The following PRKCE variants were observed in gnomAD, a reference collection of about 807,000 sequenced individuals.
The protein encoded by PRKCE is protein kinase C epsilon.
In PRKCE, 16 loss-of-function variants were observed where a neutral mutation model predicts 85.4. The observed-to-expected ratio is 0.19, with a 90% CI of 0.13 to 0.28. The LOEUF (loss-of-function observed/expected upper bound fraction) is 0.28, where lower values mean the gene tolerates loss of function less well. Ranked by LOEUF, PRKCE falls within the 10% of genes least tolerant of loss-of-function variation. The pLI, the probability that PRKCE is intolerant of heterozygous loss-of-function variation, is 1.00. For synonymous variants in PRKCE, 388 were observed against 371.5 expected, an observed-to-expected ratio of 1.04 and a Z score of -0.51; for missense variants, 573 against 975.2, an observed-to-expected ratio of 0.59 and a Z score of 5.49.
In PRKCE at chr2:46,114,810, A is replaced by G. The variant is rs533936906; in HGVS notation, c.1592+28448A>G. ...TATGATTTAGTGAGAATTCTAATAT[A>G]CTGATGTGAGTTTAAAATAGGTGTG... is the stretch of plus-strand genomic sequence containing the variant. On this transcript the variant is annotated intron_variant, in intron 11 of 14. Coordinates refer to ENST00000306156, the MANE Select transcript of PRKCE (RefSeq NM_005400.3). 5.9e-5 allele frequency among the ~76,000 whole-genome samples: 9 copies of G among 152,250 alleles called. No homozygotes were observed. The South Asian group carries it at 8.3e-4, about 14-fold the overall frequency.
chr2:45,790,345 C>T (rs1418612643), intron 1 of PRKCE, among the ~76,000 whole-genome samples: 6 of 152,150 alleles, frequency 3.9e-5, no homozygotes, highest in South Asian at 2.1e-4. Flanking sequence ...GGTGGCAGCA[C>T]GTGGGAAAAC....
chr2:45,677,553 T>G (rs1190147663), intron 1 of PRKCE, among the ~76,000 whole-genome samples: 1 of 152,134 alleles, frequency 6.6e-6, no homozygotes, highest in African/African-American at 2.4e-5. Flanking sequence ...AGACGGGGTT[T>G]CACCTTGTTA....
At chr2:45,839,829 C>G (rs971894105) in intron 1 of PRKCE, among the ~76,000 whole-genome samples, 3 of 152,224 alleles carry the variant, frequency 2.0e-5, no homozygotes, top group Non-Finnish European at 4.4e-5. Context: ...GGCTGGCGAT[C>G]TGCGGCCATC....
At chr2:45,906,245 G>A (rs570529429) in intron 2 of PRKCE, among the ~76,000 whole-genome samples, 1 of 152,362 alleles carries the variant, frequency 6.6e-6, no homozygotes, top group South Asian at 2.1e-4. Flanking sequence ...GTGTGCTGGT[G>A]CTGAGTCCAG....
At position 46,068,754 on chromosome 2, in the gene PRKCE, A is replaced by G. The variant is rs1415289019; in HGVS notation, c.1438-17454A>G. Reference sequence around the variant, plus strand: ...CATGTAGACGGGAGAGACTTGGAGCAGTTGCCCAAATGCCTCAGAAGTAAC... The same window carrying G: ...CATGTAGACGGGAGAGACTTGGAGCGGTTGCCCAAATGCCTCAGAAGTAAC... On this transcript the variant is annotated intron_variant, in intron 10 of 14. Coordinates refer to ENST00000306156, the MANE Select transcript of PRKCE (RefSeq NM_005400.3). The surrounding 1 kb of genome is among the most constrained non-coding windows in gnomAD (Gnocchi z 4.3). Among the ~76,000 whole-genome samples the G allele has an allele frequency of 6.6e-6, 1 of 152,268 alleles. No homozygotes were observed. Among genetic ancestry groups the G allele is most frequent in the Admixed American group, 6.5e-5 (1 of 15,288 alleles).
At chr2:46,131,286 C>T (rs554306165) in intron 11 of PRKCE, among the ~76,000 whole-genome samples, 2 of 152,292 alleles carry the variant, frequency 1.3e-5, no homozygotes, top group Admixed American at 1.3e-4. Flanking sequence ...CTCTTCCTGC[C>T]AGGATTTGAG....
chr2:46,178,425 A>T (rs1377407599), intron 14 of PRKCE, among the ~76,000 whole-genome samples: 2 of 152,248 alleles, frequency 1.3e-5, no homozygotes, highest in Non-Finnish European at 2.9e-5. Context: ...GGGATGACAG[A>T]TGATTATGTT....
chr2:45,846,582 G>A (rs1393495620), intron 2 of PRKCE, among the ~76,000 whole-genome samples: 1 of 152,170 alleles, frequency 6.6e-6, no homozygotes, highest in Non-Finnish European at 1.5e-5. Context: ...AAGTTCTGGA[G>A]GGATTGCATA....
chr2:46,059,353 G>T (rs531290394), intron 10 of PRKCE, among the ~76,000 whole-genome samples: 1 of 152,288 alleles, frequency 6.6e-6, no homozygotes, highest in African/African-American at 2.4e-5. Context: ...TTTGCACTTT[G>T]TTTTCCTTTA....
intron 11 of PRKCE, among the ~76,000 whole-genome samples, chr2:46,123,214 C>CT (rs70937991): frequency 0.089 from 2,424 of 27,346 alleles, 773 homozygotes; most frequent in African/African-American, 0.16. Context: ...AAACACTTGC[C>CT]TTTTTTTTTT....
intron 3 of PRKCE, 139 bp from the exon 4 acceptor site, chr2:45,978,835 TGA>T: frequency 1.5e-6 from 1 of 685,258 alleles, no homozygotes; most frequent in Non-Finnish European, 2.5e-6. Flanking sequence ...ACCTTGCAAG[TGA>T]GAGAGAAATT....
chr2:45,819,289 T>TG (rs1305490756), intron 1 of PRKCE, among the ~76,000 whole-genome samples: 2 of 152,216 alleles, frequency 1.3e-5, no homozygotes, highest in African/African-American at 4.8e-5. Context: ...GTCACACAGC[T>TG]GCTAAGTGAT....
rs974863794 is a variant in PRKCE, at chr2:45,934,125, C to G, written c.413-42304C>G. Among the ~76,000 whole-genome samples the G allele has an allele frequency of 2.0e-5, 3 of 152,294 alleles. 1 individual carries two copies. The South Asian group carries it at 6.2e-4, about 32-fold the overall frequency. The stretch of plus-strand genomic sequence containing the variant: ...TCTCCCATTCTCTCTGACACACGCT[C>G]AGGGCACACTTGAAAGCTCACAGCC... On this transcript the variant is annotated intron_variant, in intron 2 of 14. Transcript: ENST00000306156.
chr2:45,847,618 C>T (rs1032994531), intron 2 of PRKCE, among the ~76,000 whole-genome samples: 2 of 152,050 alleles, frequency 1.3e-5, no homozygotes, highest in African/African-American at 4.8e-5. Flanking sequence ...GTGCTCCAGG[C>T]CAAAAGGTTG....
At chr2:45,849,674 C>T (rs1015329622) in intron 2 of PRKCE, among the ~76,000 whole-genome samples, 2 of 152,118 alleles carry the variant, frequency 1.3e-5, no homozygotes, top group Non-Finnish European at 2.9e-5. Flanking sequence ...CCTAGACATG[C>T]ATGGACATGT....
intron 12 of PRKCE, among the ~76,000 whole-genome samples, chr2:46,148,718 A>C (rs1396549881): frequency 6.6e-6 from 1 of 152,240 alleles, no homozygotes; most frequent in Non-Finnish European, 1.5e-5. Context: ...CTGGTACCTT[A>C]TAGTTGCACT....
chr2:46,035,993 AG>A (rs1003299271), intron 10 of PRKCE, among the ~76,000 whole-genome samples: 2 of 152,238 alleles, frequency 1.3e-5, no homozygotes, highest in African/African-American at 4.8e-5. Flanking sequence ...TGGAAGTGCT[AG>A]GGAAAAGGTG....
chr2:46,135,720 TA>T (rs1183068497), intron 11 of PRKCE, among the ~76,000 whole-genome samples: 3 of 143,606 alleles, frequency 2.1e-5, no homozygotes, highest in Non-Finnish European at 4.5e-5. Context: ...GAAAAAAATT[TA>T]CCTTGGGTTC....
At chr2:46,070,980 A>G (rs2103731632) in intron 10 of PRKCE, among the ~76,000 whole-genome samples, 1 of 152,336 alleles carries the variant, frequency 6.6e-6, no homozygotes, top group South Asian at 2.1e-4. Flanking sequence ...GCCTTAGATT[A>G]TCATTTTCTA....
Sources: gnomAD v4.1 joint callset for allele counts (sites outside exome capture counted in the v4.1 genomes callset) on GRCh38, gnomAD v4.1.1 for gene constraint, Gnocchi (gnomAD v3.1) non-coding constraint, MANE v1.5 for transcripts, NCBI Gene and HGNC (gene_info 2026-07-23, HGNC 2026-07-21) for gene names.